The following NCKAP5 variants were observed in gnomAD, a reference collection of about 807,000 sequenced individuals.
NCKAP5 encodes the protein NCK associated protein 5.
A neutral mutation model predicts 167.0 loss-of-function variants in NCKAP5; 92 were observed. That is an observed-to-expected ratio of 0.55 (90% CI 0.47 to 0.66). The LOEUF is 0.66. Among genes scored for constraint, NCKAP5 ranks in the 30% least tolerant of loss-of-function variants. NCKAP5 has a pLI of 0.00. For synonymous variants in NCKAP5, 891 were observed against 877.4 expected, an observed-to-expected ratio of 1.02 and a Z score of -0.27; for missense variants, 2,378 against 2,315.0, an observed-to-expected ratio of 1.03 and a Z score of -0.56.
At chr2:132,860,113 TAA>T in intron 11 of NCKAP5, among the ~76,000 whole-genome samples, 1 of 152,054 alleles carries the variant, frequency 6.6e-6, no homozygotes, top group African/African-American at 2.4e-5. Flanking sequence ...GAGTTTGAAA[TAA>T]AAAAAATGTG....
chr2:133,260,424 A>T (rs1009924647), intron 4 of NCKAP5, among the ~76,000 whole-genome samples: 3 of 152,202 alleles, frequency 2.0e-5, no homozygotes, highest in African/African-American at 7.2e-5. Flanking sequence ...TATACAGATC[A>T]ATCAATGCCT....
At chr2:132,995,942 C>A (rs981470939) in intron 6 of NCKAP5, among the ~76,000 whole-genome samples, 1 of 152,060 alleles carries the variant, frequency 6.6e-6, no homozygotes, top group Admixed American at 6.6e-5. Flanking sequence ...CCACTGCACT[C>A]CAGCCTGGGC....
At chr2:133,304,445 T>C (rs1410448355) in intron 3 of NCKAP5, among the ~76,000 whole-genome samples, 1 of 152,230 alleles carries the variant, frequency 6.6e-6, no homozygotes, top group Admixed American at 6.5e-5. Flanking sequence ...AATAAACATT[T>C]ATTTTCAGGT....
At position 133,234,658 on chromosome 2, in the gene NCKAP5, T is replaced by C. The variant is rs2087310820; in HGVS notation, c.144-20879A>G. 2.0e-5 allele frequency among the ~76,000 whole-genome samples: 3 copies of C among 152,142 alleles called. No individual in the cohort carries two copies. In the South Asian group the frequency reaches 6.2e-4, roughly 32 times the overall value. ...ACCTCCATCTCTCAGTTCTCGGCTA[T>C]GGGCTAAACTGTATGCATTCTTTAT... On this transcript the variant is annotated intron_variant, in intron 4 of 19. Transcript: ENST00000409261.
intron 11 of NCKAP5, among the ~76,000 whole-genome samples, chr2:132,810,656 A>G (rs1277645291): frequency 6.6e-6 from 1 of 152,074 alleles, no homozygotes; most frequent in Non-Finnish European, 1.5e-5. Context: ...ATTTCCTTGA[A>G]TATTTCTCCA....
At chr2:132,795,260 C>G (rs896829327) in intron 12 of NCKAP5, among the ~76,000 whole-genome samples, 1 of 152,152 alleles carries the variant, frequency 6.6e-6, no homozygotes, top group Non-Finnish European at 1.5e-5. Flanking sequence ...CAGAGATACA[C>G]AGAACCCCAT....
At chr2:133,464,842 G>A in intron 3 of NCKAP5, among the ~76,000 whole-genome samples, 1 of 152,022 alleles carries the variant, frequency 6.6e-6, no homozygotes, top group South Asian at 2.1e-4. Flanking sequence ...CTTAAGAAGA[G>A]AACTTGCAAG....
chr2:132,873,663 C>A (rs543774346), intron 9 of NCKAP5, among the ~76,000 whole-genome samples: 3 of 152,314 alleles, frequency 2.0e-5, no homozygotes, highest in Non-Finnish European at 4.4e-5. Flanking sequence ...TCTGCCTAAT[C>A]CAAAGCCCAT....
chr2:132,909,110 G>A (rs1006165017), intron 8 of NCKAP5, among the ~76,000 whole-genome samples: 2 of 152,234 alleles, frequency 1.3e-5, no homozygotes, highest in African/African-American at 4.8e-5. Context: ...ACATTGGGAG[G>A]CCAAAGCAGG....
At chr2:133,369,999 T>C (rs1685698387) in intron 3 of NCKAP5, among the ~76,000 whole-genome samples, 1 of 152,226 alleles carries the variant, frequency 6.6e-6, no homozygotes, top group South Asian at 2.1e-4. Context: ...CAGACAGCGC[T>C]TTGAATTTCA....
At chr2:133,418,590 G>A (rs1689271718) in intron 3 of NCKAP5, among the ~76,000 whole-genome samples, 1 of 152,166 alleles carries the variant, frequency 6.6e-6, no homozygotes, top group African/African-American at 2.4e-5. Context: ...AAGATGGTAT[G>A]GGGGCTGTTA....
chr2:132,901,109 T>G (rs975726360), intron 8 of NCKAP5, among the ~76,000 whole-genome samples: 1 of 152,210 alleles, frequency 6.6e-6, no homozygotes, highest in Admixed American at 6.5e-5. Context: ...TTACACTGAT[T>G]GTTTCGATCA....
chr2:133,636,498 A>G, the NCKAP5 span, among the ~76,000 whole-genome samples: 1 of 152,244 alleles, frequency 6.6e-6, no homozygotes, highest in Non-Finnish European at 1.5e-5. Context: ...CAGAATGTTC[A>G]GAGAGCAATT....
At chr2:133,105,094 A>G (rs1455477831) in intron 6 of NCKAP5, among the ~76,000 whole-genome samples, 2 of 152,198 alleles carry the variant, frequency 1.3e-5, no homozygotes, top group Non-Finnish European at 2.9e-5. Context: ...TTTCTAGGAA[A>G]TGCATCCTTT....
chr2:133,671,452 T>C, the NCKAP5 span, among the ~76,000 whole-genome samples: 1 of 152,120 alleles, frequency 6.6e-6, no homozygotes, highest in Non-Finnish European at 1.5e-5. Flanking sequence ...AATGGATCAA[T>C]TAATTCATGG....
chr2:133,663,359 T>G, the NCKAP5 span, among the ~76,000 whole-genome samples: 1,967 of 152,024 alleles, frequency 0.013, 26 homozygotes, highest in Non-Finnish European at 0.022. Context: ...TTTATGTGGA[T>G]GCCTATGGAT....
intron 6 of NCKAP5, among the ~76,000 whole-genome samples, chr2:133,040,910 T>C (rs1573838318): frequency 6.6e-6 from 1 of 152,196 alleles, no homozygotes; most frequent in East Asian, 1.9e-4. Flanking sequence ...CTCCAGGTCA[T>C]GCAAAATTAA....
chr2:132,682,594 G>A (rs1685373886), intron 19 of NCKAP5, among the ~76,000 whole-genome samples: 1 of 152,158 alleles, frequency 6.6e-6, no homozygotes, highest in Non-Finnish European at 1.5e-5. Flanking sequence ...TTGCTTTGTT[G>A]AGTTAGAATC....
At chr2:133,654,290 A>C in the NCKAP5 span, among the ~76,000 whole-genome samples, 1 of 152,060 alleles carries the variant, frequency 6.6e-6, no homozygotes, top group Non-Finnish European at 1.5e-5. Flanking sequence ...AGGCAGGAGA[A>C]TCACTTGAAC....
Sources: allele counts gnomAD v4.1 joint callset (sites outside exome capture counted in the v4.1 genomes callset), GRCh38; gene constraint gnomAD v4.1.1; transcripts MANE v1.5; gene names NCBI Gene and HGNC (gene_info 2026-07-23, HGNC 2026-07-21).